Variants in COL19A1 observed in about 807,000 individuals in gnomAD.
The protein encoded by COL19A1 is collagen type XIX alpha 1 chain.
In COL19A1, 159 loss-of-function variants were observed where a neutral mutation model predicts 190.2. That is an observed-to-expected ratio of 0.84 (90% CI 0.73 to 0.95). The LOEUF is 0.95. Among genes scored for constraint, COL19A1 ranks in the 40% least tolerant of loss-of-function variants. The pLI is 0.00. For missense variants in COL19A1, 1,418 were observed against 1,431.9 expected, an observed-to-expected ratio of 0.99 and a Z score of 0.16; for synonymous variants, 509 against 458.9, an observed-to-expected ratio of 1.11 and a Z score of -1.39.
chr6:70,181,840 A>T (rs899518370), intron 44 of COL19A1, among the ~76,000 whole-genome samples: 1 of 152,104 alleles, frequency 6.6e-6, no homozygotes, highest in Non-Finnish European at 1.5e-5. Flanking sequence ...AGGAAAAAGA[A>T]ATGGCTAGGA....
intron 1 of COL19A1, among the ~76,000 whole-genome samples, chr6:69,871,016 T>G (rs975255233): frequency 6.6e-6 from 1 of 152,094 alleles, no homozygotes; most frequent in African/African-American, 2.4e-5. Context: ...GGTCATGAGG[T>G]TTCTGTAGAA....
intron 11 of COL19A1, among the ~76,000 whole-genome samples, chr6:69,968,742 G>A (rs2150052721): frequency 6.6e-6 from 1 of 152,258 alleles, no homozygotes; most frequent in East Asian, 1.9e-4. Flanking sequence ...ATGAGTGGTT[G>A]TGACTTTGGG....
chr6:69,867,316 C>G (rs1215165123), intron 1 of COL19A1: 2 of 152,648 alleles, frequency 1.3e-5, no homozygotes, highest in Non-Finnish European at 2.9e-5. Flanking sequence ...CGGCCCTGTT[C>G]CTTAATTACC....
At chr6:70,024,154 A>G (rs1402664461) in intron 12 of COL19A1, among the ~76,000 whole-genome samples, 1 of 152,112 alleles carries the variant, frequency 6.6e-6, no homozygotes, top group African/African-American at 2.4e-5. Flanking sequence ...CCTCAGGGAT[A>G]ACATTGCCTG....
intron 20 of COL19A1, among the ~76,000 whole-genome samples, chr6:70,141,409 G>A (rs1006933504): frequency 6.6e-6 from 1 of 151,922 alleles, no homozygotes; most frequent in Non-Finnish European, 1.5e-5. Flanking sequence ...ACTTATTATA[G>A]CCAGTATCAT....
In COL19A1 at chr6:70,207,330, T is replaced by C. The variant is rs374101991; in HGVS notation, c.*56T>C. The C allele has an allele frequency of 1.0e-4, 158 of 1,517,666 alleles. 1 individual carries two copies. In the East Asian group the frequency reaches 2.1e-3, roughly 20 times the overall value. The allele number at this position is 1,517,666 out of a possible 1,614,324, so 94.0% of individuals were successfully genotyped here. A position where few individuals can be genotyped will look rare whatever the true frequency, so the allele number is the denominator to read the frequency against. ...ACATTTCCTTGCCACTGGAGCTCTC[T>C]TAATACCGTCAAACCCTCATCATCT... On this transcript the variant is annotated 3_prime_UTR_variant, in exon 51 of 51. Transcript: ENST00000620364.
chr6:69,957,515 C>G (rs1214882447), intron 9 of COL19A1, among the ~76,000 whole-genome samples: 2 of 151,784 alleles, frequency 1.3e-5, no homozygotes, highest in African/African-American at 2.4e-5. Flanking sequence ...TGAATTTGTA[C>G]CTGAAAAGGA....
chr6:70,182,710 T>G (rs1562251222), intron 44 of COL19A1, among the ~76,000 whole-genome samples: 1 of 152,094 alleles, frequency 6.6e-6, no homozygotes, highest in Non-Finnish European at 1.5e-5. Flanking sequence ...GTAAGTAATA[T>G]GAGGGGTAAT....
intron 9 of COL19A1, among the ~76,000 whole-genome samples, chr6:69,942,323 G>T (rs866896356): frequency 7.2e-5 from 11 of 152,086 alleles, no homozygotes; most frequent in South Asian, 6.2e-4. Context: ...TAATCAAATT[G>T]GGATAATTAA....
chr6:70,133,369 A>G (rs1418528423), intron 18 of COL19A1, among the ~76,000 whole-genome samples: 1 of 152,198 alleles, frequency 6.6e-6, no homozygotes, highest in Non-Finnish European at 1.5e-5. Flanking sequence ...TAGCAGCCAC[A>G]TCCTGTATCA....
chr6:69,907,728 A>G (rs1770655771), intron 4 of COL19A1, among the ~76,000 whole-genome samples: 1 of 152,202 alleles, frequency 6.6e-6, no homozygotes, highest in Admixed American at 6.5e-5. Flanking sequence ...AGAAGTTCCT[A>G]AAATGTTTCT....
intron 47 of COL19A1, among the ~76,000 whole-genome samples, chr6:70,189,868 T>C (rs565655588): frequency 6.6e-6 from 1 of 152,368 alleles, no homozygotes; most frequent in South Asian, 2.1e-4. Context: ...CTTGGAGTTC[T>C]GTTCCAGGTT....
intron 9 of COL19A1, among the ~76,000 whole-genome samples, chr6:69,949,100 A>G (rs1773980531): frequency 6.6e-6 from 1 of 151,790 alleles, no homozygotes; most frequent in Non-Finnish European, 1.5e-5. Flanking sequence ...TCTGGGTCTA[A>G]TTTACTTGAG....
intron 23 of COL19A1, 101 bp from the exon 24 acceptor site, chr6:70,144,109 T>C (rs1786450159): frequency 3.0e-6 from 3 of 1,004,096 alleles, no homozygotes; most frequent in African/African-American, 1.6e-5. Context: ...ATAGGTTATA[T>C]GTTAAAATTC....
rs534792473 is a variant in COL19A1 at position 69,941,690 on chromosome 6, C to CT, written c.936+3607dup. ...TTCTCTGGATACAATGTGCTAGTTG[C>CT]TTTTTTTTTTTTTTTTTAGACAGAG... is the stretch of plus-strand genomic sequence containing the variant. On this transcript the variant is annotated intron_variant, in intron 9 of 50. Coordinates refer to ENST00000620364, the MANE Select transcript of COL19A1 (RefSeq NM_001858.6). Among the ~76,000 whole-genome samples the CT allele has an allele frequency of 9.7e-3, 1,272 of 130,536 alleles. 23 individuals carry two copies. Among genetic ancestry groups the CT allele is most frequent in the East Asian group, 0.07 (322 of 4,596 alleles). The allele number at this position is 130,536 out of a possible 152,430, so 85.6% of individuals were successfully genotyped here.
At chr6:69,867,391 A>ACCG (rs1313013107) in intron 1 of COL19A1, 3 of 155,150 alleles carry the variant, frequency 1.9e-5, no homozygotes, top group East Asian at 1.9e-4. Flanking sequence ...CCCTGCAGCC[A>ACCG]CCGCCGCCGC....
chr6:70,163,238 G>C, intron 35 of COL19A1, 105 bp from the exon 36 acceptor site: 1 of 975,626 alleles, frequency 1.0e-6, no homozygotes, highest in Non-Finnish European at 1.6e-6. Flanking sequence ...TATTTAATTA[G>C]GATCAAATGA....
intron 42 of COL19A1, 69 bp from the exon 43 acceptor site, chr6:70,180,243 G>T: frequency 6.4e-7 from 1 of 1,567,968 alleles, no homozygotes; most frequent in South Asian, 1.1e-5. Flanking sequence ...TTGGGGTTGG[G>T]GGAAGAGAAG....
At chr6:70,184,834 G>C in intron 45 of COL19A1, 37 bp from the exon 46 acceptor site, 1 of 1,611,186 alleles carries the variant, frequency 6.2e-7, no homozygotes, top group Non-Finnish European at 8.5e-7. Flanking sequence ...AAAAATCTTG[G>C]CAAGGAGTGA....
Sources: allele counts gnomAD v4.1 joint callset (sites outside exome capture counted in the v4.1 genomes callset), GRCh38; gene constraint gnomAD v4.1.1; transcripts MANE v1.5; gene names NCBI Gene and HGNC (gene_info 2026-07-23, HGNC 2026-07-21).